Variants in INPP5A observed in about 807,000 individuals in gnomAD.
INPP5A encodes 43 kDa inositol polyphosphate 5-phophatase.
A neutral mutation model predicts 65.2 loss-of-function variants in INPP5A; 14 were observed. The observed-to-expected ratio is 0.21, with a 90% CI of 0.14 to 0.34. The LOEUF is 0.34. INPP5A is among the 10% of genes least tolerant of loss of function. INPP5A has a pLI of 1.00. For synonymous variants in INPP5A, 207 were observed against 208.3 expected (o/e 0.99, Z 0.05); for missense variants, 431 against 545.6 (o/e 0.79, Z 2.09).
chr10:132,604,241 C>T (rs1411132431), intron 1 of INPP5A, among the ~76,000 whole-genome samples: 1 of 126,584 alleles, frequency 7.9e-6, no homozygotes, highest in Admixed American at 7.9e-5. Context: ...TATGCTGTCA[C>T]GGTCCCCTCT....
chr10:132,603,546 T>G lies in INPP5A; in HGVS notation c.76-4369T>G, dbSNP rs866677794. Among the ~76,000 whole-genome samples, 1 of 152,238 alleles carries G rather than the reference T, an allele frequency of 6.6e-6. No individual in the cohort carries two copies. Among genetic ancestry groups the G allele is most frequent in the African/African-American group, 2.4e-5 (1 of 41,464 alleles). ...ACTCAAGGAACTTCTGAATTTGAGATAAATATTTATTGGTGCAAGAGATAA... is the reference window on the plus strand; with the variant it reads ...ACTCAAGGAACTTCTGAATTTGAGAGAAATATTTATTGGTGCAAGAGATAA... On this transcript the variant is annotated intron_variant, in intron 1 of 15. Coordinates refer to ENST00000368594, the MANE Select transcript of INPP5A (RefSeq NM_005539.5). This position sits in a 1 kb window ranked among gnomAD's most constrained non-coding sequence, Gnocchi z 4.2.
chr10:132,541,312 C>T (rs775891809), intron 1 of INPP5A, among the ~76,000 whole-genome samples: 1 of 152,148 alleles, frequency 6.6e-6, no homozygotes, highest in South Asian at 2.1e-4. Flanking sequence ...TGCGTGCATC[C>T]ACTTCAGCTG....
intron 11 of INPP5A, among the ~76,000 whole-genome samples, chr10:132,759,035 G>A (rs193044650): frequency 2.0e-5 from 3 of 152,258 alleles, no homozygotes; most frequent in South Asian, 2.1e-4. Flanking sequence ...CATTTAGGGC[G>A]AGGAGTTGCA....
At chr10:132,685,048 A>G (rs2073096973) in intron 4 of INPP5A, among the ~76,000 whole-genome samples, 1 of 152,078 alleles carries the variant, frequency 6.6e-6, no homozygotes, top group Non-Finnish European at 1.5e-5. Flanking sequence ...CTGCTCCTAG[A>G]TTTATTTTAT....
rs2070931587 is a variant in INPP5A at position 132,543,399 on chromosome 10, C to T, written c.75+5228C>T. Among the ~76,000 whole-genome samples, 5 of 152,130 alleles carry T rather than the reference C, an allele frequency of 3.3e-5. 1 individual carries two copies. The South Asian group carries it at 8.3e-4, about 25-fold the overall frequency. On this transcript the variant is annotated intron_variant, in intron 1 of 15. Transcript: ENST00000368594. ...CATGCTGCAGCGTGCGTCAGTCCTG[C>T]ATTTCTTCCTTTCTTTCTTTTTTCT...
intron 1 of INPP5A, among the ~76,000 whole-genome samples, chr10:132,566,568 A>T (rs2071277361): frequency 6.6e-6 from 1 of 152,238 alleles, no homozygotes; most frequent in South Asian, 2.1e-4. Flanking sequence ...AGGTTGAGGG[A>T]TGTAATTCCC....
At chr10:132,539,855 G>A (rs533233356) in intron 1 of INPP5A, among the ~76,000 whole-genome samples, 1 of 152,338 alleles carries the variant, frequency 6.6e-6, no homozygotes, top group African/African-American at 2.4e-5. Context: ...GCACAGGCTA[G>A]GTTTGGTTTT....
chr10:132,554,178 A>T (rs2071093412), intron 1 of INPP5A, among the ~76,000 whole-genome samples: 1 of 152,170 alleles, frequency 6.6e-6, no homozygotes, highest in South Asian at 2.1e-4. Flanking sequence ...GATAGGAAGT[A>T]TTTGGAATAT....
intron 4 of INPP5A, among the ~76,000 whole-genome samples, chr10:132,661,047 A>G (rs955334290): frequency 6.6e-6 from 1 of 152,208 alleles, no homozygotes; most frequent in African/African-American, 2.4e-5. Context: ...CGGATGGAGC[A>G]TAGCCAGTCC....
intron 4 of INPP5A, among the ~76,000 whole-genome samples, chr10:132,672,112 CTTA>C (rs1386099738): frequency 6.6e-6 from 1 of 152,222 alleles, no homozygotes; most frequent in African/African-American, 2.4e-5. Context: ...TTAAGTGGCT[CTTA>C]TTGAGCATTG....
chr10:132,714,347 C>T (rs920565961), intron 8 of INPP5A, among the ~76,000 whole-genome samples: 1 of 152,202 alleles, frequency 6.6e-6, no homozygotes, highest in Non-Finnish European at 1.5e-5. Context: ...CCTTTCACCG[C>T]GGCTGCTAAC....
intron 2 of INPP5A, among the ~76,000 whole-genome samples, chr10:132,612,135 A>T (rs2071968079): frequency 1.5e-5 from 2 of 130,582 alleles, no homozygotes; most frequent in Admixed American, 7.9e-5. Flanking sequence ...GAGGAGGGTG[A>T]GGGAGGTTAT....
chr10:132,710,596 C>G (rs1360996960), intron 8 of INPP5A, 140 bp downstream of exon 8: 1 of 1,188,882 alleles, frequency 8.4e-7, no homozygotes, highest in Non-Finnish European at 1.2e-6. Flanking sequence ...GTGGGGTGGA[C>G]AGGTCAGTGT....
chr10:132,596,364 C>A (rs1459021077), intron 1 of INPP5A, among the ~76,000 whole-genome samples: 1 of 151,920 alleles, frequency 6.6e-6, no homozygotes, highest in African/African-American at 2.4e-5. Flanking sequence ...TTCAAAATTT[C>A]TTTTTTGTCT....
At chr10:132,689,252 T>C (rs1845213897) in intron 4 of INPP5A, among the ~76,000 whole-genome samples, 2 of 152,172 alleles carry the variant, frequency 1.3e-5, no homozygotes, top group South Asian at 4.1e-4. Context: ...GCTCAGAGTC[T>C]CTTCCCTGTG....
intron 1 of INPP5A, among the ~76,000 whole-genome samples, chr10:132,581,587 G>T (rs935599522): frequency 1.3e-5 from 2 of 152,160 alleles, no homozygotes; most frequent in Non-Finnish European, 2.9e-5. Flanking sequence ...CTTCTGGCGG[G>T]TGTGCAGTGG....
chr10:132,740,933 C>A (rs998561191), intron 9 of INPP5A, among the ~76,000 whole-genome samples: 1 of 152,114 alleles, frequency 6.6e-6, no homozygotes, highest in South Asian at 2.1e-4. Context: ...AGTTCACCTA[C>A]AAAGAAAGGG....
intron 12 of INPP5A, among the ~76,000 whole-genome samples, chr10:132,773,672 G>A (rs1249326982): frequency 1.3e-5 from 2 of 152,200 alleles, no homozygotes; most frequent in Non-Finnish European, 2.9e-5. Flanking sequence ...TGTGGGACCT[G>A]TGCCGAGGGG....
At chr10:132,565,064 T>C (rs2071256228) in intron 1 of INPP5A, among the ~76,000 whole-genome samples, 1 of 152,190 alleles carries the variant, frequency 6.6e-6, no homozygotes, top group South Asian at 2.1e-4. Context: ...TTTTATAGAG[T>C]GAGATGGTAC....
Sources: gnomAD v4.1 joint callset for allele counts (sites outside exome capture counted in the v4.1 genomes callset) on GRCh38, gnomAD v4.1.1 for gene constraint, Gnocchi (gnomAD v3.1) non-coding constraint, MANE v1.5 for transcripts, NCBI Gene and HGNC (gene_info 2026-07-23, HGNC 2026-07-21) for gene names.